Variants in MARK4 observed in about 807,000 individuals in gnomAD.
MARK4 encodes MAP/microtubule affinity-regulating kinase 4.
MARK4 carries 19 observed loss-of-function variants against 81.5 expected under a neutral mutation model. The ratio of observed to expected loss-of-function variants is 0.23; its 90% CI spans 0.16 to 0.34. The LOEUF (loss-of-function observed/expected upper bound fraction) is 0.34. MARK4 is among the 10% of genes least tolerant of loss of function. MARK4 has a pLI of 1.00. For synonymous variants in MARK4, 436 were observed against 439.0 expected, an observed-to-expected ratio of 0.99 and a Z score of 0.08; for missense variants, 772 against 1,058.8, an observed-to-expected ratio of 0.73 and a Z score of 3.76.
rs1410956211 is a variant in MARK4 at position 45,264,712 on chromosome 19, G to C, written c.384G>C (p.Glu128Asp). 6.2e-7 allele frequency: 1 copy of C among 1,614,008 alleles called. No individual in the cohort carries two copies. Among genetic ancestry groups the C allele is most frequent in the Non-Finnish European group, 8.5e-7 (1 of 1,180,046 alleles). ...AGCTCTTTGAGGTGATTGAGACTGA[G>C]AAGACGCTGTACCTGGTGATGGAGT... ...IVKLFEVIETEKTLYLVMEYA... is the reference protein window; with the variant it reads ...IVKLFEVIETDKTLYLVMEYA... Residue 128 changes from glutamate to aspartate, a missense_variant, in exon 5 of 17, where the codon GAG becomes GAC. Coordinates refer to ENST00000262891, the MANE Select transcript of MARK4 (RefSeq NM_001199867.2).
intron 8 of MARK4, among the ~76,000 whole-genome samples, chr19:45,275,239 C>T (rs1003731509): frequency 5.3e-5 from 8 of 151,648 alleles, no homozygotes; most frequent in South Asian, 2.1e-4. Context: ...CCAGCCTGGA[C>T]GACAGAGCAA....
chr19:45,261,280 T>G (rs1447449771), intron 2 of MARK4, among the ~76,000 whole-genome samples: 1 of 152,118 alleles, frequency 6.6e-6, no homozygotes, highest in Non-Finnish European at 1.5e-5. Flanking sequence ...GCCAATCTGG[T>G]GAACATAGGT....
At chr19:45,259,336 T>C (rs956524951) in intron 2 of MARK4, 147 bp downstream of exon 2, 8 of 845,696 alleles carry the variant, frequency 9.5e-6, no homozygotes, top group Non-Finnish European at 1.3e-5. Context: ...TCACAATATC[T>C]CTGATGTTCC....
chr19:45,267,268 G>A (rs1421373182), intron 7 of MARK4, among the ~76,000 whole-genome samples: 2 of 152,110 alleles, frequency 1.3e-5, no homozygotes, highest in South Asian at 4.1e-4. Flanking sequence ...ATGTTGGCCA[G>A]GCTTGGTCTT....
chr19:45,282,118 G>A lies in MARK4; in HGVS notation c.1276+1384G>A, dbSNP rs113861534. Among the ~76,000 whole-genome samples the A allele has an allele frequency of 1.9e-3, 288 of 151,876 alleles. 2 individuals are homozygous for A. Among genetic ancestry groups the A allele is most frequent in the African/African-American group, 6.8e-3 (281 of 41,404 alleles). On this transcript the variant is annotated intron_variant, in intron 12 of 16. Coordinates refer to ENST00000262891, the MANE Select transcript of MARK4 (RefSeq NM_001199867.2). ...CGTGCCTATAATCCCAGCTACTCGGGAGGCTGAAGCAGGAGAATTGCTTGA... is the reference window on the plus strand; with the variant it reads ...CGTGCCTATAATCCCAGCTACTCGGAAGGCTGAAGCAGGAGAATTGCTTGA...
In MARK4 at chr19:45,302,564, G is replaced by T; in HGVS notation, c.2113G>T (p.Gly705Trp). Residue 705 changes from glycine to tryptophan, a missense_variant, in exon 17 of 17, where the codon GGG becomes TGG. Physicochemically the swap from Gly to Trp is radical, Grantham distance 184. Coordinates refer to ENST00000262891, the MANE Select transcript of MARK4 (RefSeq NM_001199867.2). This position sits in a 1 kb window ranked among gnomAD's most constrained non-coding sequence, Gnocchi z 4.9. ...GGCCTGCCTGCACGGGGGTGCGGGC[G>T]GGCCCGAGCCCCTGTCCCACTTCGA... ...LLACLHGGAG[G>W]PEPLSHFEVE... The T allele has an allele frequency of 6.3e-7, 1 of 1,578,518 alleles. No homozygotes were observed. The highest frequency in any genetic ancestry group is 8.5e-7 in the Non-Finnish European group (1 of 1,169,850).
rs939611678 is a variant in MARK4 at position 45,297,727 on chromosome 19, A to G, written c.1650A>G (p.Ala550=). The change falls in exon 15 of 17, where the codon GCA becomes GCG. Residue 550 remains alanine, a synonymous_variant. Transcript: ENST00000262891. ...CCTCCCCCTCCAGTCACAGCCTGGCACCCCCATCAGGGGAGCGGAGCCGCC... is the reference window on the plus strand; with the variant it reads ...CCTCCCCCTCCAGTCACAGCCTGGCGCCCCCATCAGGGGAGCGGAGCCGCC... ...PPASPSSHSL[A]PPSGERSRLA... 1 of 1,560,310 alleles carries G rather than the reference A, an allele frequency of 6.4e-7. No individual in the cohort carries two copies. The highest frequency in any genetic ancestry group is 8.6e-7 in the Non-Finnish European group (1 of 1,157,552).
intron 7 of MARK4, among the ~76,000 whole-genome samples, chr19:45,266,778 G>A (rs1018233031): frequency 6.7e-6 from 1 of 149,526 alleles, no homozygotes; most frequent in Admixed American, 6.7e-5. Context: ...TGTCGCCCTG[G>A]CTGGAGTGAA....
At position 45,277,991 on chromosome 19, in the gene MARK4, C is replaced by G; in HGVS notation, c.855C>G (p.Ser285Arg). The G allele has an allele frequency of 6.2e-7, 1 of 1,613,908 alleles. No homozygotes were observed. Residue 285 changes from serine (S) to arginine (R), a missense_variant, in exon 9 of 17, where the codon AGC becomes AGG. This residue lies in a region of MARK4 where 109 missense variants were observed against 294.7 expected (regional missense o/e 0.37). Coordinates refer to ENST00000262891, the MANE Select transcript of MARK4 (RefSeq NM_001199867.2). ...TCTACATGTCAACAGACTGTGAGAG[C>G]ATCCTGCGGAGATTTTTGGTGCTGA... is the stretch of plus-strand genomic sequence containing the variant. The part of the protein sequence containing the change: ...VPFYMSTDCE[S>R]ILRRFLVLNP...
chr19:45,296,924 C>CCT (rs1361861433), intron 14 of MARK4, among the ~76,000 whole-genome samples: 1 of 152,100 alleles, frequency 6.6e-6, no homozygotes, highest in Non-Finnish European at 1.5e-5. Context: ...GTGCTGCATG[C>CCT]CTATAGTCCC....
In MARK4 at chr19:45,284,619, C is replaced by A. The variant is rs1399021944; in HGVS notation, c.1277-2828C>A. On this transcript the variant is annotated intron_variant, in intron 12 of 16. Coordinates refer to ENST00000262891, the MANE Select transcript of MARK4 (RefSeq NM_001199867.2). ...CTGGGATTACAGGCATGAGCCACCG[C>A]GCCTGGCCCGCTCCTAGATTTCTTA... Among the ~76,000 whole-genome samples the A allele has an allele frequency of 2.0e-5, 3 of 152,174 alleles. No individual in the cohort carries two copies. The South Asian group carries it at 6.2e-4, about 32-fold the overall frequency.
At chr19:45,279,728 A>C (rs1409788698) in intron 10 of MARK4, among the ~76,000 whole-genome samples, 1 of 152,190 alleles carries the variant, frequency 6.6e-6, no homozygotes, top group African/African-American at 2.4e-5. Context: ...TGAATAGAGT[A>C]TGCAGCCTTC....
At position 45,298,883 on chromosome 19, in the gene MARK4, C is replaced by G. The variant is rs900061946; in HGVS notation, c.1878-928C>G. Among the ~76,000 whole-genome samples the G allele has an allele frequency of 2.0e-5, 3 of 151,818 alleles. No individual in the cohort carries two copies. The East Asian group carries it at 5.8e-4, about 29-fold the overall frequency. On this transcript the variant is annotated intron_variant, in intron 15 of 16. Coordinates refer to ENST00000262891, the MANE Select transcript of MARK4 (RefSeq NM_001199867.2). ...TTGAGCCCAGAAGTTCAAGACCAGC[C>G]TGGACAACGTAGCAAGATCCTATCT...
chr19:45,290,883 T>C (rs1469394132), intron 13 of MARK4, among the ~76,000 whole-genome samples: 1 of 152,088 alleles, frequency 6.6e-6, no homozygotes, highest in Non-Finnish European at 1.5e-5. Flanking sequence ...TGGAATGTTG[T>C]GAGGGAACCC....
chr19:45,302,429 T>C lies in MARK4; in HGVS notation c.1978T>C (p.Trp660Arg), dbSNP rs1325473245. 6.2e-7 allele frequency: 1 copy of C among 1,614,076 alleles called. No homozygotes were observed. Among genetic ancestry groups the C allele is most frequent in the South Asian group, 1.1e-5 (1 of 91,088 alleles). ...CGCCCCCCGGCTGCTCCGATTCCCC[T>C]GGAGTGTGAAGCTGACCAGCTCGCG... ...ETAPRLLRFPWSVKLTSSRPP... is the reference protein window; with the variant it reads ...ETAPRLLRFPRSVKLTSSRPP... Residue 660 changes from tryptophan to arginine, a missense_variant, in exon 17 of 17, where the codon TGG (tryptophan) becomes CGG (arginine). Trp to Arg is a moderately radical substitution (Grantham distance 101). Transcript: ENST00000262891. The surrounding 1 kb of genome is among the most constrained non-coding windows in gnomAD (Gnocchi z 4.9).
chr19:45,276,333 G>A (rs912924286), intron 8 of MARK4, among the ~76,000 whole-genome samples: 2 of 152,004 alleles, frequency 1.3e-5, no homozygotes, highest in Non-Finnish European at 2.9e-5. Context: ...GGCCTATTGC[G>A]GTTTTTTATT....
At position 45,304,030 on chromosome 19, in the gene MARK4, A is replaced by C. The variant is rs1169195717; in HGVS notation, c.*1320A>C. ...AATGCTGTATTAGGACTAATAATCC[A>C]TCTACGCTGCTTAAGCAAAAAGGTA... On this transcript the variant is annotated 3_prime_UTR_variant, in exon 17 of 17. Transcript: ENST00000262891. The C allele has an allele frequency of 6.6e-6, 1 of 152,274 alleles. No individual in the cohort carries two copies. Among genetic ancestry groups the C allele is most frequent in the East Asian group, 1.9e-4 (1 of 5,204 alleles). The allele number at this position is 152,274 out of a possible 1,614,324, so 9.4% of individuals were successfully genotyped here.
At chr19:45,298,417 T>C (rs1353110359) in intron 15 of MARK4, among the ~76,000 whole-genome samples, 2 of 152,162 alleles carry the variant, frequency 1.3e-5, no homozygotes, top group Non-Finnish European at 2.9e-5. Flanking sequence ...CCAAGTGACC[T>C]TGAGCAAGTC....
At chr19:45,262,000 C>G (rs1377787436) in intron 2 of MARK4, among the ~76,000 whole-genome samples, 1 of 152,070 alleles carries the variant, frequency 6.6e-6, no homozygotes, top group Non-Finnish European at 1.5e-5. Flanking sequence ...GATTTCCTCC[C>G]CATGATGTAT....
Sources: allele counts gnomAD v4.1 joint callset (sites outside exome capture counted in the v4.1 genomes callset), GRCh38; gene constraint gnomAD v4.1.1; regional missense constraint gnomAD v4.1.1; non-coding constraint Gnocchi (gnomAD v3.1); transcripts MANE v1.5; gene names NCBI Gene and HGNC (gene_info 2026-07-23, HGNC 2026-07-21).